CXCL6: variants seen among roughly 807,000 people sequenced by gnomAD.
The protein encoded by CXCL6 is C-X-C motif chemokine 6.
A neutral mutation model predicts 10.5 loss-of-function variants in CXCL6; 18 were observed. The ratio of observed to expected loss-of-function variants is 1.71; its 90% CI spans 1.18 to 2.54. CXCL6 has a LOEUF of 2.54. CXCL6 is among the 30% of genes most tolerant of loss of function. The probability of loss-of-function intolerance (pLI) is 0.00; values close to 1 mark genes in which losing one functional copy is unlikely to be tolerated. For missense variants in CXCL6, 171 were observed against 145.7 expected, an observed-to-expected ratio of 1.17 and a Z score of -0.90; for synonymous variants, 82 against 68.3, an observed-to-expected ratio of 1.20 and a Z score of -0.99.
Position 73,837,231 on chromosome 4 carries a change from T to C in CXCL6, c.271T>C (p.Cys91Arg). The C allele has an allele frequency of 6.2e-7, 1 of 1,614,122 alleles. No homozygotes were observed. The change falls in exon 3 of 4, where the codon TGT becomes CGT. Residue 91 changes from cysteine (C) to arginine (R), a missense_variant. Transcript: ENST00000226317. ...VASLKNGKQV[C>R]LDPEAPFLKK... is the part of the protein sequence containing the mutation. ...CTCCCTGAAGAACGGGAAGCAAGTT[T>C]GTCTGGACCCGGAAGCCCCTTTTCT...
Position 73,837,874 on chromosome 4 carries a change from T to A in CXCL6, c.*233T>A. 5.1e-6 allele frequency: 2 copies of A among 394,906 alleles called. No individual in the cohort carries two copies. The highest frequency in any genetic ancestry group is 9.2e-6 in the Non-Finnish European group (2 of 217,128). The allele number at this position is 394,906 out of a possible 1,614,324, so 24.5% of individuals were successfully genotyped here. On this transcript the variant is annotated 3_prime_UTR_variant, in exon 4 of 4. Transcript: ENST00000226317. ...CACTATTTACTGTTATTTTACCTGA[T>A]AAGTTATTGAACCCTTTGGCAATTG...
rs1731156211 is a variant in CXCL6 at position 73,838,640 on chromosome 4, G to T, written c.*999G>T. The T allele has an allele frequency of 6.6e-6, 1 of 152,442 alleles. No individual in the cohort carries two copies. Among genetic ancestry groups the T allele is most frequent in the African/African-American group, 2.4e-5 (1 of 41,406 alleles). 9.4% of individuals were successfully genotyped at this position (152,442 alleles called of 1,614,324 possible). ...AAAGGTTTTGACCATTTTGTTATGA[G>T]GAATTATACATGTATCACATTCACT... On this transcript the variant is annotated 3_prime_UTR_variant, in exon 4 of 4. Transcript: ENST00000226317.
chr4:73,837,655 C>A lies in CXCL6; in HGVS notation c.*14C>A, dbSNP rs759336875. ...AAGAAAAACTGAGTAACAAAAAAGA[C>A]CATGCATCATAAAATTGCCCAGTCT... On this transcript the variant is annotated 3_prime_UTR_variant, in exon 4 of 4. Coordinates refer to ENST00000226317, the MANE Select transcript of CXCL6 (RefSeq NM_002993.4). 55 of 1,550,092 alleles carry A rather than the reference C, an allele frequency of 3.5e-5. No individual in the cohort carries two copies. Among genetic ancestry groups the A allele is most frequent in the Non-Finnish European group, 4.4e-5 (51 of 1,160,470 alleles).
chr4:73,836,853 G>A lies in CXCL6; in HGVS notation c.103G>A (p.Ala35Thr), dbSNP rs770802849. 5.0e-6 allele frequency: 8 copies of A among 1,612,124 alleles called. No homozygotes were observed. In the East Asian group the frequency reaches 1.1e-4, roughly 22 times the overall value. The stretch of plus-strand genomic sequence containing the variant: ...CCTGCTGACGCCGCCGGGGCCCCTC[G>A]CCAGCGGTGAGAGCTCCTGGCACTG... Reference protein sequence around the residue: ...LLLLTPPGPLASAGPVSAVLT... With the variant: ...LLLLTPPGPLTSAGPVSAVLT... Residue 35 changes from alanine to threonine, a missense_variant, in exon 1 of 4, where the codon GCC (alanine) becomes ACC (threonine). By Grantham distance (58) the Ala-to-Thr change is moderately conservative. Transcript: ENST00000226317.
intron 3 of CXCL6, 116 bp from the exon 4 acceptor site, chr4:73,837,507 T>G: frequency 1.8e-6 from 2 of 1,082,708 alleles, no homozygotes; most frequent in Non-Finnish European, 2.7e-6. Context: ...ACATCTATTT[T>G]TTGTCTGCTC....
Position 73,837,851 on chromosome 4 carries a change from C to G in CXCL6, c.*210C>G, listed in dbSNP as rs1731139791. 1 of 420,488 alleles carries G rather than the reference C, an allele frequency of 2.4e-6. No individual in the cohort carries two copies. Among genetic ancestry groups the G allele is most frequent in the Admixed American group, 4.4e-5 (1 of 22,676 alleles). The allele number at this position is 420,488 out of a possible 1,614,324, so 26.0% of individuals were successfully genotyped here. A position where few individuals can be genotyped will look rare whatever the true frequency, so the allele number is the denominator to read the frequency against. On this transcript the variant is annotated 3_prime_UTR_variant, in exon 4 of 4. Transcript: ENST00000226317. ...ATGAAGTACTAATATAGTATTTCCA[C>G]TATTTACTGTTATTTTACCTGATAA...
chr4:73,836,788 G>C lies in CXCL6; in HGVS notation c.38G>C (p.Gly13Ala). ...TCCAGCCGCGCGGCCCGTGTCCCGG[G>C]TCCTTCGGGCTCCTTGTGCGCGCTG... ...LPSSRAARVP[G>A]PSGSLCALLA... is the part of the protein sequence containing the mutation. Residue 13 changes from glycine (G) to alanine (A), a missense_variant, in exon 1 of 4, where the codon GGT becomes GCT. By Grantham distance (60) the Gly-to-Ala change is moderately conservative. Transcript: ENST00000226317. 1.2e-6 allele frequency: 2 copies of C among 1,611,936 alleles called. No individual in the cohort carries two copies. Among genetic ancestry groups the C allele is most frequent in the Non-Finnish European group, 1.7e-6 (2 of 1,179,430 alleles).
At chr4:73,837,150 T>C in intron 2 of CXCL6, 53 bp from the exon 3 acceptor site, 1 of 1,613,690 alleles carries the variant, frequency 6.2e-7, no homozygotes, top group South Asian at 1.1e-5. Flanking sequence ...TCCTCCAGCC[T>C]GGGTCGTCAA....
Position 73,837,233 on chromosome 4 carries a change from T to G in CXCL6, c.273T>G (p.Cys91Trp). Residue 91 changes from cysteine to tryptophan, a missense_variant, in exon 3 of 4, where the codon TGT becomes TGG. Transcript: ENST00000226317. The stretch of plus-strand genomic sequence containing the variant: ...CCCTGAAGAACGGGAAGCAAGTTTG[T>G]CTGGACCCGGAAGCCCCTTTTCTAA... Reference protein sequence around the residue: ...VASLKNGKQVCLDPEAPFLKK... With the variant: ...VASLKNGKQVWLDPEAPFLKK... 1 of 1,614,116 alleles carries G rather than the reference T, an allele frequency of 6.2e-7. No individual in the cohort carries two copies. Among genetic ancestry groups the G allele is most frequent in the Non-Finnish European group, 8.5e-7 (1 of 1,180,034 alleles).
Position 73,837,201 on chromosome 4 carries a change from A to G in CXCL6, c.243-2A>G, listed in dbSNP as rs760645932. Reference sequence around the variant, plus strand: ...GGTGCATCCTCTTTTTCTTTACTTCAGAGCCTCCCTGAAGAACGGGAAGCA... The same window carrying G: ...GGTGCATCCTCTTTTTCTTTACTTCGGAGCCTCCCTGAAGAACGGGAAGCA... On this transcript the variant is annotated splice_acceptor_variant, in intron 2 of 3. Coordinates refer to ENST00000226317, the MANE Select transcript of CXCL6 (RefSeq NM_002993.4). LOFTEE classifies it high-confidence loss of function. The G allele has an allele frequency of 6.2e-7, 1 of 1,614,130 alleles. No homozygotes were observed. Among genetic ancestry groups the G allele is most frequent in the East Asian group, 2.2e-5 (1 of 44,880 alleles).
chr4:73,837,350 T>G, intron 3 of CXCL6, 64 bp downstream of exon 3: 1 of 1,371,446 alleles, frequency 7.3e-7, no homozygotes, highest in Non-Finnish European at 1.0e-6. Flanking sequence ...TACTTCACAA[T>G]GTCCTTATTC....
At position 73,837,019 on chromosome 4, in the gene CXCL6, G is replaced by C; in HGVS notation, c.165G>C (p.Thr55=). Residue 55 remains threonine, a synonymous_variant, in exon 2 of 4, where the codon ACG becomes ACC. Transcript: ENST00000226317. The part of the protein sequence containing the change: ...TELRCTCLRV[T]LRVNPKTIGK... ...TGCGTTGCACTTGTTTACGCGTTACGCTGAGAGTAAACCCCAAAACGATTG... is the reference window on the plus strand; with the variant it reads ...TGCGTTGCACTTGTTTACGCGTTACCCTGAGAGTAAACCCCAAAACGATTG... The C allele has an allele frequency of 6.2e-7, 1 of 1,613,782 alleles. No individual in the cohort carries two copies. Among genetic ancestry groups the C allele is most frequent in the Non-Finnish European group, 8.5e-7 (1 of 1,179,842 alleles).
intron 3 of CXCL6, 151 bp downstream of exon 3, chr4:73,837,437 C>T: frequency 1.1e-6 from 1 of 946,038 alleles, no homozygotes; most frequent in South Asian, 1.5e-5. Context: ...CTGGAATGTT[C>T]TGGGTAAACC....
rs978805634 is a variant in CXCL6 at position 73,837,528 on chromosome 4, T to G, written c.327-95T>G. ...ATTTTTTGTCTGCTCTTTGCTTTTA[T>G]TGATTTTTTTCCCCCACCAAACGCT... On this transcript the variant is annotated intron_variant, in intron 3 of 3. Coordinates refer to ENST00000226317, the MANE Select transcript of CXCL6 (RefSeq NM_002993.4). 1.0e-5 allele frequency: 13 copies of G among 1,254,874 alleles called. No individual in the cohort carries two copies. In the African/African-American group the frequency reaches 2.0e-4, roughly 19 times the overall value. 77.7% of individuals were successfully genotyped at this position (1,254,874 alleles called of 1,614,324 possible).
In CXCL6 at chr4:73,837,669, A is replaced by G. The variant is rs2109754694; in HGVS notation, c.*28A>G. 6.5e-7 allele frequency: 1 copy of G among 1,546,618 alleles called. No homozygotes were observed. Among genetic ancestry groups the G allele is most frequent in the East Asian group, 2.4e-5 (1 of 41,412 alleles). ...AACAAAAAAGACCATGCATCATAAA[A>G]TTGCCCAGTCTTCAGCGGAGCAGTT... On this transcript the variant is annotated 3_prime_UTR_variant, in exon 4 of 4. Coordinates refer to ENST00000226317, the MANE Select transcript of CXCL6 (RefSeq NM_002993.4).
rs1177204681 is a variant in CXCL6, at chr4:73,837,279, T to C, written c.319T>C (p.Leu107=). 1.9e-6 allele frequency: 3 copies of C among 1,613,996 alleles called. No homozygotes were observed. The highest frequency in any genetic ancestry group is 2.5e-6 in the Non-Finnish European group (3 of 1,179,942). ...PFLKKVIQKI[L]DSGNKKN is the part of the protein sequence containing the mutation. Reference sequence around the variant, plus strand: ...TCTAAAGAAAGTCATCCAGAAAATTTTGGACAGGTATTTGTCCCTTTGATC... The same window carrying C: ...TCTAAAGAAAGTCATCCAGAAAATTCTGGACAGGTATTTGTCCCTTTGATC... The change falls in exon 3 of 4, where the codon TTG becomes CTG. Residue 107 remains leucine (L), a synonymous_variant. Transcript: ENST00000226317.
Position 73,836,822 on chromosome 4 carries a change from G to A in CXCL6, c.72G>A (p.Leu24=), listed in dbSNP as rs1265706074. ...PSGSLCALLA[L]LLLLTPPGPL... ...GCTCCTTGTGCGCGCTGCTCGCGCT[G>A]CTGCTCCTGCTGACGCCGCCGGGGC... The change falls in exon 1 of 4, where the codon CTG becomes CTA. Residue 24 remains leucine, a synonymous_variant. Coordinates refer to ENST00000226317, the MANE Select transcript of CXCL6 (RefSeq NM_002993.4). 8.7e-6 allele frequency: 14 copies of A among 1,612,244 alleles called. No homozygotes were observed. The highest frequency in any genetic ancestry group is 1.7e-4 in the Middle Eastern group (1 of 5,716).
chr4:73,836,909 C>A (rs778607716), intron 1 of CXCL6, 50 bp downstream of exon 1: 4 of 1,605,628 alleles, frequency 2.5e-6, no homozygotes, highest in Non-Finnish European at 2.6e-6. Context: ...GGGGCCGCTG[C>A]GTTCCAGGGA....
At chr4:73,837,602 A>T (rs1197207075) in intron 3 of CXCL6, 21 bp from the exon 4 acceptor site, 3 of 1,562,484 alleles carry the variant, frequency 1.9e-6, no homozygotes. Context: ...GGTTATACTA[A>T]TATAACTCTT....
Sources: allele counts gnomAD v4.1 joint callset, GRCh38; gene constraint gnomAD v4.1.1; transcripts MANE v1.5; gene names NCBI Gene and HGNC (gene_info 2026-07-23, HGNC 2026-07-21).